Variants in ATP6V0D1 observed in about 807,000 individuals in gnomAD.
ATP6V0D1 encodes ATPase H+ transporting V0 subunit d1, also known as V-type proton ATPase subunit d 1.
In ATP6V0D1, 13 loss-of-function variants were observed where a neutral mutation model predicts 39.0. The observed-to-expected ratio is 0.33, with a 90% CI of 0.22 to 0.53. ATP6V0D1 has a LOEUF of 0.53. Ranked by LOEUF, ATP6V0D1 falls within the 20% of genes least tolerant of loss-of-function variation. The pLI is 0.94. For missense variants in ATP6V0D1, 272 were observed against 470.9 expected (o/e 0.58, Z 3.91); for synonymous variants, 191 against 191.2 (o/e 1.00, Z 0.01).
At chr16:67,471,891 C>T (rs2041376249) in intron 1 of ATP6V0D1, among the ~76,000 whole-genome samples, 1 of 152,120 alleles carries the variant, frequency 6.6e-6, no homozygotes, top group Non-Finnish European at 1.5e-5. Flanking sequence ...ATGCTCCCAC[C>T]TCAGCCTCCT....
chr16:67,454,137 C>T lies in ATP6V0D1; in HGVS notation c.131-422G>A, dbSNP rs55752134. On this transcript the variant is annotated intron_variant, in intron 1 of 7. Transcript: ENST00000290949. Reference sequence around the variant, plus strand: ...GTCAGAGGGGCAAGCCAACACACCCCGAGGCACATGAAATACAAGAGATGC... The same window carrying T: ...GTCAGAGGGGCAAGCCAACACACCCTGAGGCACATGAAATACAAGAGATGC... 4.3e-3 allele frequency among the ~76,000 whole-genome samples: 660 copies of T among 152,226 alleles called. 4 individuals are homozygous for T. Among genetic ancestry groups the T allele is most frequent in the African/African-American group, 0.015 (627 of 41,526 alleles).
At chr16:67,452,064 A>AAT (rs1323166536) in intron 2 of ATP6V0D1, among the ~76,000 whole-genome samples, 1 of 152,268 alleles carries the variant, frequency 6.6e-6, no homozygotes, top group Non-Finnish European at 1.5e-5. Context: ...GGGCTCTAGC[A>AAT]ATAAATGTAC....
chr16:67,456,453 C>T lies in ATP6V0D1; in HGVS notation c.131-2738G>A, dbSNP rs924775976. ...TTAATTTATCAAAGTCATGTTCATG[C>T]TCTGATTTTATATACTTGGGGTTCT... On this transcript the variant is annotated intron_variant, in intron 1 of 7. Coordinates refer to ENST00000290949, the MANE Select transcript of ATP6V0D1 (RefSeq NM_004691.5). The surrounding 1 kb of genome is among the most constrained non-coding windows in gnomAD (Gnocchi z 4.1). 6.6e-6 allele frequency: 1 copy of T among 152,218 alleles called. No individual in the cohort carries two copies. Among genetic ancestry groups the T allele is most frequent in the African/African-American group, 2.4e-5 (1 of 41,438 alleles). 9.4% of individuals were successfully genotyped at this position (152,218 alleles called of 1,614,324 possible).
intron 1 of ATP6V0D1, chr16:67,457,181 G>T: frequency 4.6e-6 from 1 of 219,328 alleles, no homozygotes; most frequent in Non-Finnish European, 9.3e-6. Flanking sequence ...TGGGCTGTAC[G>T]GTGTACTCAT....
At chr16:67,441,757 T>C (rs1376800950) in intron 4 of ATP6V0D1, 1 of 152,248 alleles carries the variant, frequency 6.6e-6, no homozygotes, top group Non-Finnish European at 1.5e-5. Flanking sequence ...TTTCCCCATT[T>C]TCACATGGGG....
intron 2 of ATP6V0D1, chr16:67,445,836 G>A (rs1308143411): frequency 2.3e-6 from 1 of 440,006 alleles, no homozygotes; most frequent in Non-Finnish European, 4.6e-6. Flanking sequence ...AGTGAAGGCA[G>A]TAAGCCCCAT....
chr16:67,442,111 G>A (rs999565509), intron 4 of ATP6V0D1, among the ~76,000 whole-genome samples: 13 of 152,236 alleles, frequency 8.5e-5, no homozygotes, highest in Non-Finnish European at 1.5e-4. Context: ...GTCCCTTGCC[G>A]ACACCACTGC....
intron 1 of ATP6V0D1, among the ~76,000 whole-genome samples, chr16:67,471,156 G>C (rs2041369802): frequency 6.6e-6 from 1 of 152,056 alleles, no homozygotes; most frequent in Non-Finnish European, 1.5e-5. Context: ...ATCAATTCAG[G>C]GTAATTAGCA....
In ATP6V0D1 at chr16:67,444,491, C is replaced by A. The variant is rs756152537; in HGVS notation, c.481+37G>T. 14 of 1,556,208 alleles carry A rather than the reference C, an allele frequency of 9.0e-6. No homozygotes were observed. The highest frequency in any genetic ancestry group is 7.1e-5 in the Admixed American group (4 of 56,528). On this transcript the variant is annotated intron_variant, in intron 3 of 7. Transcript: ENST00000290949. The surrounding 1 kb of genome is among the most constrained non-coding windows in gnomAD (Gnocchi z 4.8). Reference sequence around the variant, plus strand: ...CCACCCTGATGCGCTGATGCTGACACCACTGCCCACCTCCCATGACCACCA... The same window carrying A: ...CCACCCTGATGCGCTGATGCTGACAACACTGCCCACCTCCCATGACCACCA...
At chr16:67,479,133 T>A (rs575852241) in intron 1 of ATP6V0D1, among the ~76,000 whole-genome samples, 3 of 151,824 alleles carry the variant, frequency 2.0e-5, no homozygotes, top group Non-Finnish European at 2.9e-5. Context: ...CTTCCCCACC[T>A]CCACTCACAT....
chr16:67,475,182 TA>T (rs1011323167), intron 1 of ATP6V0D1, among the ~76,000 whole-genome samples: 2 of 152,242 alleles, frequency 1.3e-5, no homozygotes, highest in Admixed American at 1.3e-4. Context: ...CTATGGTTTT[TA>T]CGATCCTTCT....
intron 1 of ATP6V0D1, 96 bp downstream of exon 1, chr16:67,480,861 C>G: frequency 6.6e-7 from 1 of 1,517,998 alleles, no homozygotes; most frequent in South Asian, 1.2e-5. Context: ...GCCTCTCAGG[C>G]CCTTCAAGAC....
intron 2 of ATP6V0D1, among the ~76,000 whole-genome samples, chr16:67,452,056 G>A (rs2041186328): frequency 6.6e-6 from 1 of 152,266 alleles, no homozygotes; most frequent in Non-Finnish European, 1.5e-5. Context: ...CTCAGGCTGG[G>A]CTCTAGCAAT....
At chr16:67,451,331 C>T (rs2041177869) in intron 2 of ATP6V0D1, among the ~76,000 whole-genome samples, 1 of 152,122 alleles carries the variant, frequency 6.6e-6, no homozygotes, top group African/African-American at 2.4e-5. Flanking sequence ...AATGATGGAC[C>T]AGGGAACTTC....
chr16:67,466,259 T>C (rs926969026), intron 1 of ATP6V0D1, among the ~76,000 whole-genome samples: 3 of 149,464 alleles, frequency 2.0e-5, no homozygotes, highest in African/African-American at 7.4e-5. Flanking sequence ...GATGGGCAGA[T>C]CACCTGCGGT....
chr16:67,464,725 A>G (rs1052890450), intron 1 of ATP6V0D1, among the ~76,000 whole-genome samples: 8 of 152,262 alleles, frequency 5.3e-5, no homozygotes, highest in African/African-American at 1.9e-4. Flanking sequence ...CCCATCCACC[A>G]GCCAAGCACG....
At chr16:67,468,687 T>G (rs2041349701) in intron 1 of ATP6V0D1, among the ~76,000 whole-genome samples, 1 of 152,012 alleles carries the variant, frequency 6.6e-6, no homozygotes, top group South Asian at 2.1e-4. Context: ...AAGTGTATTA[T>G]GCAATGTTTA....
intron 1 of ATP6V0D1, chr16:67,457,745 G>A (rs1398246046): frequency 2.3e-6 from 2 of 853,208 alleles, no homozygotes; most frequent in Non-Finnish European, 3.4e-6. Context: ...GCTCAGCAAG[G>A]GCCTCCAAGC....
At chr16:67,479,931 G>GT (rs2041451636) in intron 1 of ATP6V0D1, among the ~76,000 whole-genome samples, 3 of 138,782 alleles carry the variant, frequency 2.2e-5, no homozygotes, top group African/African-American at 6.9e-5. Context: ...CGGGCGCGGT[G>GT]GCTCACGCCT....
Sources: allele counts gnomAD v4.1 joint callset (sites outside exome capture counted in the v4.1 genomes callset), GRCh38; gene constraint gnomAD v4.1.1; non-coding constraint Gnocchi (gnomAD v3.1); transcripts MANE v1.5; gene names NCBI Gene and HGNC (gene_info 2026-07-23, HGNC 2026-07-21).